Variants in SATB1 observed in about 807,000 individuals in gnomAD.
The protein encoded by SATB1 is SATB homeobox 1.
In SATB1, 11 loss-of-function variants were observed where a neutral mutation model predicts 86.9. The ratio of observed to expected loss-of-function variants is 0.13; its 90% CI spans 0.08 to 0.21. SATB1 has a LOEUF of 0.21. Among genes scored for constraint, SATB1 ranks in the 10% least tolerant of loss-of-function variants. The pLI, the probability that SATB1 is intolerant of heterozygous loss-of-function variation, is 1.00. For missense variants in SATB1, 551 were observed against 937.6 expected, an observed-to-expected ratio of 0.59 and a Z score of 5.39; for synonymous variants, 357 against 357.2, an observed-to-expected ratio of 1.00 and a Z score of 0.01.
At chr3:18,398,154 C>T (rs1039035793) in intron 5 of SATB1, among the ~76,000 whole-genome samples, 1 of 152,118 alleles carries the variant, frequency 6.6e-6, no homozygotes, top group Non-Finnish European at 1.5e-5. Flanking sequence ...ACTGTCAGCC[C>T]TTTAACATAC....
intron 9 of SATB1, among the ~76,000 whole-genome samples, chr3:18,374,007 A>G (rs1013160573): frequency 6.6e-6 from 1 of 152,200 alleles, no homozygotes; most frequent in Non-Finnish European, 1.5e-5. Context: ...TCAATAAAAC[A>G]CTAGAGGAAA....
chr3:18,445,050 C>T (rs1387372285), intron 1 of SATB1: 2 of 274,680 alleles, frequency 7.3e-6, no homozygotes, highest in Non-Finnish European at 1.1e-5. Flanking sequence ...CGGGAGCCCG[C>T]AGCCACCCGG....
intron 2 of SATB1, among the ~76,000 whole-genome samples, chr3:18,418,981 C>A (rs1374149506): frequency 6.6e-6 from 1 of 152,122 alleles, no homozygotes. Context: ...TGGGTAAGTA[C>A]AACAAAAATG....
chr3:18,391,296 G>A (rs1007655469), intron 7 of SATB1, among the ~76,000 whole-genome samples: 2 of 152,024 alleles, frequency 1.3e-5, no homozygotes, highest in African/African-American at 4.8e-5. Flanking sequence ...ATCATATTAA[G>A]GTCTTAATGC....
intron 1 of SATB1, chr3:18,445,503 A>C (rs1426613065): frequency 1.0e-6 from 1 of 985,138 alleles, no homozygotes; most frequent in Non-Finnish European, 1.2e-6. Flanking sequence ...TCGCCCGCCA[A>C]CCCTGCCCCC....
chr3:18,432,337 A>G lies in SATB1; in HGVS notation c.-25+4452T>C, dbSNP rs541066201. On this transcript the variant is annotated intron_variant, in intron 2 of 3. Coordinates refer to the SATB1 transcript ENST00000414509. Reference sequence around the variant, plus strand: ...CAATCAACTTTTAACCAAGATGTACATATCAACCAAATTTCCTTAGTTGAT... The same window carrying G: ...CAATCAACTTTTAACCAAGATGTACGTATCAACCAAATTTCCTTAGTTGAT... 4.6e-5 allele frequency among the ~76,000 whole-genome samples: 7 copies of G among 152,342 alleles called. No individual in the cohort carries two copies. In the South Asian group the frequency reaches 1.4e-3, roughly 32 times the overall value.
At position 18,368,400 on chromosome 3, in the gene SATB1, A is replaced by G. The variant is rs527936165; in HGVS notation, c.1575+9770T>C. 1.3e-4 allele frequency among the ~76,000 whole-genome samples: 20 copies of G among 152,328 alleles called. No homozygotes were observed. In the South Asian group the frequency reaches 3.7e-3, roughly 28 times the overall value. On this transcript the variant is annotated intron_variant, in intron 9 of 10. Coordinates refer to ENST00000338745, the MANE Select transcript of SATB1 (RefSeq NM_002971.6). ...GATATTTAGGCCAAAAGAAACTATG[A>G]ATAGGAAGAAAAAATATCAGATTTT...
At chr3:18,380,923 A>C (rs1202039135) in intron 8 of SATB1, among the ~76,000 whole-genome samples, 2 of 152,230 alleles carry the variant, frequency 1.3e-5, no homozygotes, top group African/African-American at 4.8e-5. Flanking sequence ...ATCACACATT[A>C]AAATTCATAA....
chr3:18,401,478 C>T (rs576181902), intron 5 of SATB1, among the ~76,000 whole-genome samples: 4 of 152,092 alleles, frequency 2.6e-5, no homozygotes, highest in South Asian at 4.1e-4. Context: ...AGTTCTCTCT[C>T]AGTGTCTATT....
chr3:18,435,358 T>A (rs992313231), intron 2 of SATB1: 5 of 152,134 alleles, frequency 3.3e-5, no homozygotes, highest in African/African-American at 1.2e-4. Context: ...CTATGTGTCA[T>A]TATGACTGCC....
intron 9 of SATB1, among the ~76,000 whole-genome samples, chr3:18,369,912 G>A (rs939362681): frequency 7.2e-5 from 11 of 152,294 alleles, no homozygotes; most frequent in Middle Eastern, 3.4e-3. Flanking sequence ...CCTGGCCAGC[G>A]CCGGTTGTGC....
intron 5 of SATB1, among the ~76,000 whole-genome samples, chr3:18,401,693 A>G (rs1559437965): frequency 6.6e-6 from 1 of 152,126 alleles, no homozygotes; most frequent in Non-Finnish European, 1.5e-5. Flanking sequence ...GGGAAATACA[A>G]TTTCAAAGTT....
At chr3:18,412,361 G>A (rs1215432348) in intron 5 of SATB1, among the ~76,000 whole-genome samples, 1 of 151,938 alleles carries the variant, frequency 6.6e-6, no homozygotes, top group African/African-American at 2.4e-5. Context: ...GCAAAATCCT[G>A]GTGGCTCCCC....
intron 2 of SATB1, chr3:18,435,289 G>A (rs1699021380): frequency 6.6e-6 from 1 of 152,072 alleles, no homozygotes; most frequent in Admixed American, 6.6e-5. Flanking sequence ...AGGAAAATGT[G>A]TCAACAATAA....
chr3:18,368,270 T>C (rs1234222119), intron 9 of SATB1, among the ~76,000 whole-genome samples: 1 of 152,098 alleles, frequency 6.6e-6, no homozygotes, highest in Non-Finnish European at 1.5e-5. Context: ...TCTTGCAAAA[T>C]GATTACAAAG....
intron 8 of SATB1, among the ~76,000 whole-genome samples, chr3:18,378,809 T>C (rs1695898147): frequency 1.3e-5 from 2 of 152,224 alleles, no homozygotes; most frequent in Admixed American, 1.3e-4. Context: ...CTTCCTCTTA[T>C]GTTTCATTTA....
At chr3:18,411,056 T>C (rs1697808210) in intron 5 of SATB1, 3 of 393,634 alleles carry the variant, frequency 7.6e-6, no homozygotes, top group African/African-American at 4.1e-5. Context: ...CTCAGGATGC[T>C]GTGAATAAAA....
At chr3:18,409,740 A>G (rs1213279621) in intron 5 of SATB1, 1 of 152,068 alleles carries the variant, frequency 6.6e-6, no homozygotes, top group East Asian at 1.9e-4. Context: ...TAGAGCTTTT[A>G]TTCAAAATAT....
chr3:18,395,398 G>T (rs1403669128), intron 6 of SATB1, among the ~76,000 whole-genome samples: 1 of 152,018 alleles, frequency 6.6e-6, no homozygotes, highest in African/African-American at 2.4e-5. Flanking sequence ...TAGGAAAAAG[G>T]TGTAAAAGAA....
Sources: allele counts gnomAD v4.1 joint callset (sites outside exome capture counted in the v4.1 genomes callset), GRCh38; gene constraint gnomAD v4.1.1; transcripts MANE v1.5; gene names NCBI Gene and HGNC (gene_info 2026-07-23, HGNC 2026-07-21).